The following CDK19 variants were observed in gnomAD, a reference collection of about 807,000 sequenced individuals.
CDK19 encodes cyclin dependent kinase 19, also known as cyclin-dependent kinase 19.
CDK19 carries 20 observed loss-of-function variants against 68.3 expected under a neutral mutation model. The observed-to-expected ratio is 0.29, with a 90% CI of 0.21 to 0.43. The LOEUF (loss-of-function observed/expected upper bound fraction) is 0.43, where lower values mean the gene tolerates loss of function less well. Ranked by LOEUF, CDK19 falls within the 20% of genes least tolerant of loss-of-function variation. CDK19 has a pLI of 1.00. For synonymous variants in CDK19, 221 were observed against 222.8 expected, an observed-to-expected ratio of 0.99 and a Z score of 0.07; for missense variants, 339 against 623.5, an observed-to-expected ratio of 0.54 and a Z score of 4.86.
chr6:110,669,793 G>A (rs185290899), intron 3 of CDK19, among the ~76,000 whole-genome samples: 469 of 152,208 alleles, frequency 3.1e-3, no homozygotes, highest in Admixed American at 4.8e-3. Flanking sequence ...TCTTTCATAC[G>A]TTGATAAAAA....
chr6:110,695,402 A>G (rs1562205671), intron 2 of CDK19, among the ~76,000 whole-genome samples: 1 of 152,174 alleles, frequency 6.6e-6, no homozygotes, highest in Non-Finnish European at 1.5e-5. Context: ...AAAATGTCTG[A>G]AAAAATCACA....
intron 2 of CDK19, among the ~76,000 whole-genome samples, chr6:110,733,404 T>A (rs779287271): frequency 6.6e-6 from 1 of 152,192 alleles, no homozygotes; most frequent in Non-Finnish European, 1.5e-5. Context: ...AAAGCTGTTA[T>A]GAACATCCTT....
chr6:110,660,165 T>C (rs776696603), intron 4 of CDK19, among the ~76,000 whole-genome samples: 3 of 152,156 alleles, frequency 2.0e-5, no homozygotes, highest in Non-Finnish European at 2.9e-5. Context: ...TCAACTCTGA[T>C]AGTGAAACAG....
At chr6:110,792,661 C>A (rs1397702384) in intron 1 of CDK19, among the ~76,000 whole-genome samples, 1 of 152,236 alleles carries the variant, frequency 6.6e-6, no homozygotes, top group Admixed American at 6.5e-5. Context: ...CCCGCCGCGA[C>A]AGGCGAGGGA....
chr6:110,786,376 A>G (rs557783681), intron 1 of CDK19, among the ~76,000 whole-genome samples: 2 of 151,864 alleles, frequency 1.3e-5, no homozygotes, highest in East Asian at 2.0e-4. Context: ...CATACCCCCA[A>G]TTTCCTTCAT....
chr6:110,690,990 A>C (rs1328632971), intron 2 of CDK19, among the ~76,000 whole-genome samples: 2 of 152,228 alleles, frequency 1.3e-5, no homozygotes, highest in Non-Finnish European at 2.9e-5. Flanking sequence ...CATCCACAAA[A>C]GATTACACTA....
chr6:110,628,068 G>A (rs1466865063), intron 6 of CDK19, among the ~76,000 whole-genome samples: 8 of 152,020 alleles, frequency 5.3e-5, no homozygotes, highest in African/African-American at 1.7e-4. Context: ...AAAATTAGCC[G>A]GGTGTGGTGG....
intron 2 of CDK19, among the ~76,000 whole-genome samples, chr6:110,734,520 G>GCTCTCTATCTCTCT (rs1777052152): frequency 1.2e-5 from 1 of 85,734 alleles, no homozygotes; most frequent in Non-Finnish European, 2.3e-5. Flanking sequence ...GGTGAGCACT[G>GCTCTCTATCTCTCT]CTCTCTCTCT....
intron 2 of CDK19, among the ~76,000 whole-genome samples, chr6:110,731,031 G>A (rs901916872): frequency 1.5e-4 from 23 of 148,674 alleles, no homozygotes; most frequent in African/African-American, 5.2e-4. Context: ...CAGCTTGGGC[G>A]ACAAGAGCAA....
intron 3 of CDK19, among the ~76,000 whole-genome samples, chr6:110,670,160 G>A (rs1211005780): frequency 6.7e-6 from 1 of 150,342 alleles, no homozygotes; most frequent in African/African-American, 2.5e-5. Flanking sequence ...TCCCTTCCCC[G>A]TTCGTCTCCC....
At chr6:110,679,032 G>A (rs1172485137) in intron 2 of CDK19, among the ~76,000 whole-genome samples, 1 of 152,118 alleles carries the variant, frequency 6.6e-6, no homozygotes, top group East Asian at 1.9e-4. Context: ...AAATAAGCTG[G>A]ATGTAGTGGC....
In CDK19 at chr6:110,810,294, T is replaced by C. The variant is rs141717089; in HGVS notation, c.128+4715A>G. 1.2e-4 allele frequency among the ~76,000 whole-genome samples: 18 copies of C among 152,324 alleles called. No individual in the cohort carries two copies. The East Asian group carries it at 3.5e-3, about 29-fold the overall frequency. On this transcript the variant is annotated intron_variant, in intron 1 of 12. Coordinates refer to ENST00000368911, the MANE Select transcript of CDK19 (RefSeq NM_015076.5). ...GAAGAGAAAGAGATGAGATTGGATC[T>C]GATAGTATAAGCCATAGCAAACGTA...
intron 1 of CDK19, among the ~76,000 whole-genome samples, chr6:110,758,871 T>G (rs1197936528): frequency 6.6e-6 from 1 of 152,088 alleles, no homozygotes; most frequent in Non-Finnish European, 1.5e-5. Context: ...CAGACAGTAC[T>G]GAATCAAAAA....
In CDK19 at chr6:110,613,724, C is replaced by T. The variant is rs957201311; in HGVS notation, c.*811G>A. 6.6e-6 allele frequency: 1 copy of T among 152,544 alleles called. No homozygotes were observed. The highest frequency in any genetic ancestry group is 1.5e-5 in the Non-Finnish European group (1 of 68,014). 9.4% of individuals were successfully genotyped at this position (152,544 alleles called of 1,614,324 possible). On this transcript the variant is annotated 3_prime_UTR_variant, in exon 13 of 13. Transcript: ENST00000368911. ...TTTGGTGTGGGCCATCGAGACTGTACAAAGCTCTTGAAACCCTTTTTAAGG... is the reference window on the plus strand; with the variant it reads ...TTTGGTGTGGGCCATCGAGACTGTATAAAGCTCTTGAAACCCTTTTTAAGG...
chr6:110,767,898 A>C (rs546072527), intron 1 of CDK19, among the ~76,000 whole-genome samples: 11 of 152,332 alleles, frequency 7.2e-5, no homozygotes, highest in African/African-American at 2.6e-4. Flanking sequence ...GAAGGCAAAA[A>C]TACAAGCCAT....
rs142448176 is a variant in CDK19 at position 110,635,043 on chromosome 6, G to A, written c.515-2882C>T. Among the ~76,000 whole-genome samples the A allele has an allele frequency of 2.0e-3, 306 of 152,292 alleles. 2 individuals are homozygous for A. Among genetic ancestry groups the A allele is most frequent in the African/African-American group, 7.0e-3 (290 of 41,560 alleles). Reference sequence around the variant, plus strand: ...AAAGGTAATTAGCCTAAAGATTACTGTAACAGTTGACTTTCTAAAATTACA... The same window carrying A: ...AAAGGTAATTAGCCTAAAGATTACTATAACAGTTGACTTTCTAAAATTACA... On this transcript the variant is annotated intron_variant, in intron 5 of 12. Transcript: ENST00000368911.
rs181566005 is a variant in CDK19 at position 110,731,085 on chromosome 6, A to G, written c.204+15041T>C. 5.9e-5 allele frequency among the ~76,000 whole-genome samples: 9 copies of G among 151,368 alleles called. No homozygotes were observed. In the East Asian group the frequency reaches 1.7e-3, roughly 29 times the overall value. On this transcript the variant is annotated intron_variant, in intron 2 of 12. Transcript: ENST00000368911. Reference sequence around the variant, plus strand: ...AAAAAGAAAGAAAGAAAGAGAAAGAAAAGGAAGGAAGAAAGAAAAGAAAAG... The same window carrying G: ...AAAAAGAAAGAAAGAAAGAGAAAGAGAAGGAAGGAAGAAAGAAAAGAAAAG...
intron 2 of CDK19, among the ~76,000 whole-genome samples, chr6:110,724,679 TG>T (rs1322725186): frequency 6.6e-6 from 1 of 152,094 alleles, no homozygotes; most frequent in African/African-American, 2.4e-5. Context: ...AAAAGCTTTT[TG>T]AAAGAAAAAA....
At chr6:110,666,376 G>T (rs1254711005) in intron 4 of CDK19, among the ~76,000 whole-genome samples, 1 of 130,660 alleles carries the variant, frequency 7.7e-6, no homozygotes, top group Non-Finnish European at 1.6e-5. Context: ...AGTGAGCCGA[G>T]ATGGCGCCAC....
Sources: gnomAD v4.1 joint callset for allele counts (sites outside exome capture counted in the v4.1 genomes callset) on GRCh38, gnomAD v4.1.1 for gene constraint, MANE v1.5 for transcripts, NCBI Gene and HGNC (gene_info 2026-07-23, HGNC 2026-07-21) for gene names.